Variants in CECR2 observed in about 807,000 individuals in gnomAD.
CECR2 encodes chromatin remodeling regulator CECR2.
Under a neutral mutation model 154.5 loss-of-function variants are expected in CECR2, and 30 were observed. The ratio of observed to expected loss-of-function variants is 0.19; its 90% CI spans 0.15 to 0.26. CECR2 has a LOEUF of 0.26. Ranked by LOEUF, CECR2 falls within the 10% of genes least tolerant of loss-of-function variation. The probability of loss-of-function intolerance (pLI) is 1.00; values close to 1 mark genes in which losing one functional copy is unlikely to be tolerated. For synonymous variants in CECR2, 725 were observed against 683.7 expected, an observed-to-expected ratio of 1.06 and a Z score of -0.94; for missense variants, 1,743 against 1,829.3, an observed-to-expected ratio of 0.95 and a Z score of 0.86.
At chr22:17,505,123 G>A in intron 7 of CECR2, 107 bp downstream of exon 7, 1 of 1,114,294 alleles carries the variant, frequency 9.0e-7, no homozygotes, top group Non-Finnish European at 1.3e-6. Context: ...CCTGGAAATA[G>A]TGCAGTCTTC....
At chr22:17,385,812 C>T (rs186674470) in intron 1 of CECR2, among the ~76,000 whole-genome samples, 4 of 152,184 alleles carry the variant, frequency 2.6e-5, no homozygotes, top group Non-Finnish European at 5.9e-5. Flanking sequence ...ACGAGGTGGG[C>T]CTGTATTAGA....
At chr22:17,418,315 C>T (rs2054185279) in intron 1 of CECR2, among the ~76,000 whole-genome samples, 1 of 152,146 alleles carries the variant, frequency 6.6e-6, no homozygotes, top group Non-Finnish European at 1.5e-5. Flanking sequence ...ATACTTTTAT[C>T]TAGTCCCAGT....
intron 1 of CECR2, among the ~76,000 whole-genome samples, chr22:17,400,128 T>TTGCCTGCAGGGA (rs2053870158): frequency 6.6e-6 from 1 of 152,202 alleles, no homozygotes; most frequent in African/African-American, 2.4e-5. Context: ...TTCCTTCCTT[T>TTGCCTGCAGGGA]TGCCTGCAGG....
chr22:17,483,406 A>C (rs1464023742), intron 2 of CECR2, among the ~76,000 whole-genome samples: 1 of 152,142 alleles, frequency 6.6e-6, no homozygotes, highest in Non-Finnish European at 1.5e-5. Flanking sequence ...CTAAAAAATA[A>C]AAATAAATGA....
At position 17,537,245 on chromosome 22, in the gene CECR2, TAACAAC is replaced by T. The variant is rs755824277; in HGVS notation, c.1238+21_1238+26del. On this transcript the variant is annotated intron_variant, in intron 10 of 18. Coordinates refer to ENST00000262608, the MANE Select transcript of CECR2 (RefSeq NM_001290047.2). The stretch of plus-strand genomic sequence containing the variant: ...AGACTAAAGACCTGTGAGTATTTAG[TAACAAC>T]AACAACAGCAGTAGCAACTGGTAGC... The T allele has an allele frequency of 3.1e-6, 5 of 1,613,482 alleles. No individual in the cohort carries two copies. The highest frequency in any genetic ancestry group is 1.3e-5 in the African/African-American group (1 of 74,980).
chr22:17,549,783 GGTTTTTTTTTT>G (rs1313363923), intron 17 of CECR2, among the ~76,000 whole-genome samples: 8 of 88,856 alleles, frequency 9.0e-5, no homozygotes, highest in African/African-American at 3.5e-4. Flanking sequence ...CTAACTTTTT[GGTTTTTTTTTT>G]TTTTTTTTTT....
chr22:17,508,360 T>C (rs569053522), intron 7 of CECR2, among the ~76,000 whole-genome samples: 1 of 152,244 alleles, frequency 6.6e-6, no homozygotes, highest in South Asian at 2.1e-4. Context: ...GCTCCATTCA[T>C]GATAAGTGCC....
intron 1 of CECR2, among the ~76,000 whole-genome samples, chr22:17,373,074 T>C (rs553553984): frequency 2.0e-5 from 3 of 152,224 alleles, no homozygotes; most frequent in Admixed American, 2.0e-4. Context: ...AATTTTTTGT[T>C]TTTTCTGAGA....
chr22:17,396,192 T>C (rs2053806879), intron 1 of CECR2, among the ~76,000 whole-genome samples: 1 of 145,938 alleles, frequency 6.9e-6, no homozygotes, highest in African/African-American at 2.6e-5. Context: ...TAGTAAGCCA[T>C]GATCATACCA....
intron 1 of CECR2, among the ~76,000 whole-genome samples, chr22:17,384,353 G>A (rs2063235340): frequency 6.6e-6 from 1 of 152,122 alleles, no homozygotes; most frequent in Admixed American, 6.6e-5. Flanking sequence ...TAAAGTGTTA[G>A]GATTACAGGT....
At chr22:17,402,431 C>T (rs1389323471) in intron 1 of CECR2, among the ~76,000 whole-genome samples, 15 of 152,222 alleles carry the variant, frequency 9.9e-5, no homozygotes, top group Admixed American at 9.2e-4. Flanking sequence ...AAATATTTTA[C>T]ACCAAATGGT....
chr22:17,428,491 TA>T (rs2054365664), intron 1 of CECR2: 1 of 109,962 alleles, frequency 9.1e-6, no homozygotes, highest in Admixed American at 8.4e-5. Flanking sequence ...AATATCTTCA[TA>T]AAGAGAAACT....
intron 1 of CECR2, among the ~76,000 whole-genome samples, chr22:17,455,919 T>C (rs2054847262): frequency 6.6e-6 from 1 of 152,178 alleles, no homozygotes; most frequent in South Asian, 2.1e-4. Context: ...GACCTCACAC[T>C]TTCTGTGGCT....
chr22:17,447,033 C>CTGTTTTTTTTTTTTGTTTTT (rs1339121774), intron 1 of CECR2, among the ~76,000 whole-genome samples: 1 of 114,110 alleles, frequency 8.8e-6, no homozygotes, highest in African/African-American at 3.8e-5. Flanking sequence ...CGTTTACAAT[C>CTGTTTTTTTTTTTTGTTTTT]TTTTTTTTTT....
At chr22:17,369,093 C>T (rs757099130), upstream of CECR2, among the ~76,000 whole-genome samples, 195 of 152,298 alleles carry the variant, frequency 1.3e-3, 2 homozygotes, top group Non-Finnish European at 1.5e-3. Flanking sequence ...ACGTTTCTGT[C>T]TCTAGCCCGA....
intron 1 of CECR2, among the ~76,000 whole-genome samples, chr22:17,411,257 T>C (rs1352792266): frequency 6.6e-6 from 1 of 152,222 alleles, no homozygotes; most frequent in African/African-American, 2.4e-5. Flanking sequence ...CTACCTGCCT[T>C]ATGGGAAGAG....
chr22:17,540,405 C>G lies in CECR2; in HGVS notation c.1496-7C>G. On this transcript the variant is annotated splice_region_variant and splice_polypyrimidine_tract_variant and intron_variant, in intron 13 of 18. Coordinates refer to ENST00000262608, the MANE Select transcript of CECR2 (RefSeq NM_001290047.2). Reference sequence around the variant, plus strand: ...ACCTAGAAGTCAATCCTCCTGTCTTCCTATAGAGTATACCAAGATGTCTGA... The same window carrying G: ...ACCTAGAAGTCAATCCTCCTGTCTTGCTATAGAGTATACCAAGATGTCTGA... 2.0e-6 allele frequency: 3 copies of G among 1,516,818 alleles called. No individual in the cohort carries two copies. In the South Asian group the frequency reaches 4.1e-5, roughly 21 times the overall value. 94.0% of individuals were successfully genotyped at this position (1,516,818 alleles called of 1,614,324 possible).
intron 6 of CECR2, 150 bp downstream of exon 6, chr22:17,503,281 C>T (rs113754887): frequency 0.011 from 7,498 of 661,330 alleles, 73 homozygotes; most frequent in African/African-American, 0.028. Context: ...TTCTCCTCCT[C>T]ACACCTTATC....
chr22:17,540,214 A>T (rs140541089), intron 13 of CECR2, among the ~76,000 whole-genome samples, 198 bp from the exon 14 acceptor site: 1 of 151,646 alleles, frequency 6.6e-6, no homozygotes, highest in Non-Finnish European at 1.5e-5. Flanking sequence ...CGTCTTCTTC[A>T]TCTTGCATCC....
Sources: gnomAD v4.1 joint callset for allele counts (sites outside exome capture counted in the v4.1 genomes callset) on GRCh38, gnomAD v4.1.1 for gene constraint, MANE v1.5 for transcripts, NCBI Gene and HGNC (gene_info 2026-07-23, HGNC 2026-07-21) for gene names.